Variants in WDR3 observed in about 807,000 individuals in gnomAD.
The protein encoded by WDR3 is WD repeat domain 3.
WDR3 carries 81 observed loss-of-function variants against 123.7 expected under a neutral mutation model. The observed-to-expected ratio is 0.65, with a 90% confidence interval of 0.55 to 0.79. The LOEUF is 0.79. Ranked by LOEUF, WDR3 falls within the 30% of genes least tolerant of loss-of-function variation. The pLI, the probability that WDR3 is intolerant of heterozygous loss-of-function variation, is 0.00. For synonymous variants in WDR3, 390 were observed against 388.8 expected (o/e 1.00, Z -0.04); for missense variants, 1,027 against 1,123.2 (o/e 0.91, Z 1.22).
intron 8 of WDR3, among the ~76,000 whole-genome samples, chr1:117,941,474 T>C (rs74113100): frequency 0.044 from 6,649 of 152,262 alleles, 307 homozygotes; most frequent in South Asian, 0.12. Flanking sequence ...ATTACTTTTG[T>C]ACCAGTATTA....
chr1:117,941,915 A>G (rs1474102253), intron 9 of WDR3, 68 bp downstream of exon 9: 1 of 1,486,604 alleles, frequency 6.7e-7, no homozygotes, highest in African/African-American at 1.4e-5. Flanking sequence ...CTGAAAAAAA[A>G]CTGGCTTCTT....
rs1051139434 is a variant in WDR3, at chr1:117,961,365, A to G, written c.*1918A>G. 1 of 152,146 alleles carries G rather than the reference A, an allele frequency of 6.6e-6. No individual in the cohort carries two copies. Among genetic ancestry groups the G allele is most frequent in the Non-Finnish European group, 1.5e-5 (1 of 68,014 alleles). 9.4% of individuals were successfully genotyped at this position (152,146 alleles called of 1,614,324 possible). A position where few individuals can be genotyped will look rare whatever the true frequency, so the allele number is the denominator to read the frequency against. ...CCATGTTCAACGGATTGTCTACTGT[A>G]TATCTTCATGGTAAGGATTTGGGGA... On this transcript the variant is annotated 3_prime_UTR_variant, in exon 27 of 27. Coordinates refer to ENST00000349139, the MANE Select transcript of WDR3 (RefSeq NM_006784.3).
intron 11 of WDR3, 28 bp from the exon 12 acceptor site, chr1:117,946,058 T>G (rs768751180): frequency 7.6e-6 from 12 of 1,568,730 alleles, no homozygotes; most frequent in Non-Finnish European, 1.7e-6. Flanking sequence ...TCTCTTAACA[T>G]GAGTTCTTTA....
chr1:117,953,782 A>G, intron 21 of WDR3: 1 of 604,888 alleles, frequency 1.7e-6, no homozygotes, highest in Non-Finnish European at 2.9e-6. Context: ...GAGTGTCTAG[A>G]TATCATCCCA....
At chr1:117,953,695 C>T (rs1651759627) in intron 21 of WDR3, among the ~76,000 whole-genome samples, 154 bp downstream of exon 21, 2 of 152,038 alleles carry the variant, frequency 1.3e-5, no homozygotes, top group Non-Finnish European at 2.9e-5. Context: ...TCTCTTGTAA[C>T]CAAAGATGGG....
intron 3 of WDR3, among the ~76,000 whole-genome samples, chr1:117,936,368 A>G (rs796220589): frequency 1.3e-5 from 2 of 151,702 alleles, no homozygotes; most frequent in African/African-American, 4.8e-5. Flanking sequence ...TAAATGTCTG[A>G]AACAGAAAAA....
At position 117,950,863 on chromosome 1, in the gene WDR3, G is replaced by T; in HGVS notation, c.1776G>T (p.Leu592=). Reference sequence around the variant, plus strand: ...TTCTGTCACTGTATGGACACAAACTGCCTGTTATATGCATGGACATCTCTC... The same window carrying T: ...TTCTGTCACTGTATGGACACAAACTTCCTGTTATATGCATGGACATCTCTC... ...KFFLSLYGHK[L]PVICMDISHD... Residue 592 remains leucine, a synonymous_variant, in exon 16 of 27, where the codon CTG becomes CTT. Transcript: ENST00000349139. The T allele has an allele frequency of 6.2e-7, 1 of 1,609,370 alleles. No homozygotes were observed.
In WDR3 at chr1:117,959,607, C is replaced by A; in HGVS notation, c.*160C>A. 4.3e-6 allele frequency: 3 copies of A among 693,096 alleles called. No homozygotes were observed. Among genetic ancestry groups the A allele is most frequent in the South Asian group, 3.1e-5 (1 of 31,880 alleles). The allele number at this position is 693,096 out of a possible 1,614,324, so 42.9% of individuals were successfully genotyped here. A position where few individuals can be genotyped will look rare whatever the true frequency, so the allele number is the denominator to read the frequency against. On this transcript the variant is annotated 3_prime_UTR_variant, in exon 27 of 27. Transcript: ENST00000349139. ...TTTCCAGCTTTGCCTGAGGGAATTC[C>A]AACATGAGATTATGGGCTGGCTCCA...
Position 117,952,926 on chromosome 1 carries a change from G to A in WDR3, c.2152-20G>A, listed in dbSNP as rs1651689643. 1 of 1,612,280 alleles carries A rather than the reference G, an allele frequency of 6.2e-7. No individual in the cohort carries two copies. The highest frequency in any genetic ancestry group is 8.5e-7 in the Non-Finnish European group (1 of 1,179,042). On this transcript the variant is annotated intron_variant, in intron 19 of 26. Transcript: ENST00000349139. ...CCATGTTTTTTTCTCTCAAATTAAT[G>A]TATATCTATCTCATGGCAGGAAAGA...
At chr1:117,936,748 T>C in intron 3 of WDR3, 21 bp from the exon 4 acceptor site, 1 of 1,548,226 alleles carries the variant, frequency 6.5e-7, no homozygotes, top group South Asian at 1.2e-5. Context: ...ATTTTTCATC[T>C]GTATTATTTG....
intron 23 of WDR3, 56 bp downstream of exon 23, chr1:117,954,683 C>T: frequency 5.8e-6 from 9 of 1,544,454 alleles, no homozygotes; most frequent in Non-Finnish European, 8.0e-6. Flanking sequence ...CTTACAAGGA[C>T]AAGAAAGGAA....
Position 117,959,686 on chromosome 1 carries a change from GCTTGAGCCTTGCA to G in WDR3, c.*240_*252del. 1 of 339,802 alleles carries G rather than the reference GCTTGAGCCTTGCA, an allele frequency of 2.9e-6. No homozygotes were observed. Among genetic ancestry groups the G allele is most frequent in the South Asian group, 9.6e-5 (1 of 10,416 alleles). The allele number at this position is 339,802 out of a possible 1,614,324, so 21.0% of individuals were successfully genotyped here. A position where few individuals can be genotyped will look rare whatever the true frequency, so the allele number is the denominator to read the frequency against. ...TTAAAAATCTTTCTGTGCTCTCAAA[GCTTGAGCCTTGCA>G]GCTCAAGCTTGTTGTTCCCTTTATA... On this transcript the variant is annotated 3_prime_UTR_variant, in exon 27 of 27. Coordinates refer to ENST00000349139, the MANE Select transcript of WDR3 (RefSeq NM_006784.3).
rs1233206485 is a variant in WDR3, at chr1:117,962,748, T to TA, written c.*3302dup. 2 of 152,256 alleles carry TA rather than the reference T, an allele frequency of 1.3e-5. No homozygotes were observed. The highest frequency in any genetic ancestry group is 2.9e-5 in the Non-Finnish European group (2 of 68,054). 9.4% of individuals were successfully genotyped at this position (152,256 alleles called of 1,614,324 possible). A position where few individuals can be genotyped will look rare whatever the true frequency, so the allele number is the denominator to read the frequency against. On this transcript the variant is annotated 3_prime_UTR_variant, in exon 27 of 27. Transcript: ENST00000349139. ...CATAAATTATATCTCATTCTAAAGA[T>TA]ATCTAGCAAATCTCCAGCAGAGATC...
chr1:117,930,906 A>G (rs1650690219), intron 1 of WDR3, among the ~76,000 whole-genome samples: 1 of 152,192 alleles, frequency 6.6e-6, no homozygotes, highest in East Asian at 1.9e-4. Context: ...TCTGTAAAAT[A>G]GAGATAGGAA....
chr1:117,952,715 T>A (rs963806744), intron 19 of WDR3, 53 bp downstream of exon 19: 2 of 1,591,068 alleles, frequency 1.3e-6, no homozygotes, highest in African/African-American at 2.7e-5. Flanking sequence ...TGACAGGCTG[T>A]CCTAGTTGAA....
chr1:117,933,333 A>G lies in WDR3; in HGVS notation c.14A>G (p.Lys5Arg), dbSNP rs767677202. The change falls in exon 2 of 27, where the codon AAG (lysine) becomes AGG (arginine). Residue 5 changes from lysine to arginine, a missense_variant. Transcript: ENST00000349139. Reference sequence around the variant, plus strand: ...AGACATCACAACATGGGGCTCACCAAGCAGTACCTACGCTATGTTGCTAGT... The same window carrying G: ...AGACATCACAACATGGGGCTCACCAGGCAGTACCTACGCTATGTTGCTAGT... Reference protein sequence around the residue: MGLTKQYLRYVASAV... With the variant: MGLTRQYLRYVASAV... 6.2e-7 allele frequency: 1 copy of G among 1,614,070 alleles called. No homozygotes were observed. Among genetic ancestry groups the G allele is most frequent in the African/African-American group, 1.3e-5 (1 of 74,940 alleles).
rs951433479 is a variant in WDR3, at chr1:117,953,112, A to G, written c.2202+116A>G. The G allele has an allele frequency of 4.3e-6, 5 of 1,175,570 alleles. No homozygotes were observed. In the African/African-American group the frequency reaches 6.2e-5, roughly 15 times the overall value. The allele number at this position is 1,175,570 out of a possible 1,614,324, so 72.8% of individuals were successfully genotyped here. A position where few individuals can be genotyped will look rare whatever the true frequency, so the allele number is the denominator to read the frequency against. On this transcript the variant is annotated intron_variant, in intron 20 of 26. Coordinates refer to ENST00000349139, the MANE Select transcript of WDR3 (RefSeq NM_006784.3). ...AAAATTGAGGCTAGAAGTTGCAGGT[A>G]TCACCAGCTGATAAAGAATCTGTGT...
At chr1:117,957,269 C>T in intron 25 of WDR3, 73 bp downstream of exon 25, 6 of 1,492,980 alleles carry the variant, frequency 4.0e-6, no homozygotes, top group Non-Finnish European at 5.4e-6. Context: ...CTGAAGCTGT[C>T]AACACTTTGG....
chr1:117,945,721 A>G (rs748668902), intron 11 of WDR3, among the ~76,000 whole-genome samples: 2 of 152,104 alleles, frequency 1.3e-5, no homozygotes, highest in Non-Finnish European at 2.9e-5. Flanking sequence ...TAATTAATTA[A>G]TGTTTGTGGT....
Sources: gnomAD v4.1 joint callset for allele counts (sites outside exome capture counted in the v4.1 genomes callset) on GRCh38, gnomAD v4.1.1 for gene constraint, MANE v1.5 for transcripts, NCBI Gene and HGNC (gene_info 2026-07-23, HGNC 2026-07-21) for gene names.